The following GNB5 variants were observed in gnomAD, a reference collection of about 807,000 sequenced individuals.
GNB5 encodes the protein guanine nucleotide-binding protein subunit beta-5.
GNB5 carries 37 observed loss-of-function variants against 55.3 expected under a neutral mutation model. The ratio of observed to expected loss-of-function variants is 0.67; its 90% CI spans 0.51 to 0.88. GNB5 has a LOEUF of 0.88. GNB5 is among the 40% of genes least tolerant of loss of function. The probability of loss-of-function intolerance (pLI) is 0.00; values close to 1 mark genes in which losing one functional copy is unlikely to be tolerated. For synonymous variants in GNB5, 219 were observed against 198.5 expected (o/e 1.10, Z -0.87); for missense variants, 476 against 515.3 (o/e 0.92, Z 0.74).
At position 52,141,224 on chromosome 15, in the gene GNB5, AT is replaced by A; in HGVS notation, c.542del (p.Asn181MetfsTer31). 6.2e-7 allele frequency: 1 copy of A among 1,613,940 alleles called. No homozygotes were observed. The highest frequency in any genetic ancestry group is 1.1e-5 in the South Asian group (1 of 91,080). On this transcript the variant is annotated frameshift_variant, in exon 7 of 13. Coordinates refer to ENST00000261837, the MANE Select transcript of GNB5 (RefSeq NM_016194.4). LOFTEE classifies it high-confidence loss of function. ...ACTTCTTTTTGGCAGCCATGTTTTCATTTTTGTCAAACGTCAAGGGGTACAC... is the reference window on the plus strand; with the variant it reads ...ACTTCTTTTTGGCAGCCATGTTTTCATTTTGTCAAACGTCAAGGGGTACAC... Reference protein sequence around the residue: ...CSVYPLTFDKNENMAAKKKSV... With the variant: ...CSVYPLTFDKXENMAAKKKSV...
chr15:52,179,537 G>C (rs917253119), intron 3 of GNB5, among the ~76,000 whole-genome samples: 1 of 151,804 alleles, frequency 6.6e-6, no homozygotes, highest in Non-Finnish European at 1.5e-5. Flanking sequence ...TGGCGGCGGG[G>C]GTCGGCCAGG....
rs2033422317 is a variant in GNB5, at chr15:52,126,147, A to AG, written c.913-104dup. 3.3e-5 allele frequency: 21 copies of AG among 629,506 alleles called. 1 individual carries two copies. In the Middle Eastern group the frequency reaches 3.2e-3, roughly 95 times the overall value. The allele number at this position is 629,506 out of a possible 1,614,324, so 39.0% of individuals were successfully genotyped here. On this transcript the variant is annotated intron_variant, in intron 10 of 12. Transcript: ENST00000261837. ...GTGCTAGTGACTTGCGTAGTTTAAA[A>AG]GATGAAGGAAAAACTTCTTAGTTTT...
chr15:52,186,155 C>G (rs151138063), intron 1 of GNB5, among the ~76,000 whole-genome samples: 28 of 152,298 alleles, frequency 1.8e-4, no homozygotes, highest in African/African-American at 6.7e-4. Flanking sequence ...ACACTATAAC[C>G]CACACCCTGT....
chr15:52,137,877 C>A (rs1184973324), intron 7 of GNB5: 5 of 1,286,820 alleles, frequency 3.9e-6, no homozygotes, highest in Non-Finnish European at 5.1e-6. Flanking sequence ...GGTGATAAGA[C>A]CGTGGAGGAA....
chr15:52,140,803 T>C (rs28412228), intron 7 of GNB5, among the ~76,000 whole-genome samples: 7 of 152,242 alleles, frequency 4.6e-5, no homozygotes, highest in African/African-American at 1.7e-4. Context: ...GACAGCTCAG[T>C]GAAGCTTTAC....
At chr15:52,136,174 C>CG (rs2033716536) in intron 7 of GNB5, among the ~76,000 whole-genome samples, 1 of 59,180 alleles carries the variant, frequency 1.7e-5, no homozygotes, top group African/African-American at 9.4e-5. Flanking sequence ...ACACACACAC[C>CG]CTACCTGCTG....
chr15:52,148,848 C>G (rs560257737), intron 5 of GNB5, among the ~76,000 whole-genome samples: 1 of 152,336 alleles, frequency 6.6e-6, no homozygotes, highest in Non-Finnish European at 1.5e-5. Flanking sequence ...CACAGGGTAT[C>G]CCAGGCCCCT....
chr15:52,163,406 A>G (rs2034380572), intron 3 of GNB5, among the ~76,000 whole-genome samples: 2 of 152,208 alleles, frequency 1.3e-5, no homozygotes, highest in African/African-American at 4.8e-5. Context: ...CTCCCACAGC[A>G]CCTCACAAGC....
At chr15:52,146,285 C>T (rs1248102417) in intron 6 of GNB5, among the ~76,000 whole-genome samples, 3 of 152,134 alleles carry the variant, frequency 2.0e-5, no homozygotes, top group African/African-American at 7.2e-5. Context: ...AAAAACATGG[C>T]TGAGATACTG....
At chr15:52,153,461 T>A (rs1387430701) in intron 4 of GNB5, among the ~76,000 whole-genome samples, 2 of 152,128 alleles carry the variant, frequency 1.3e-5, no homozygotes, top group African/African-American at 4.8e-5. Flanking sequence ...AATTTGGGGG[T>A]AATTTTTTGG....
At position 52,135,593 on chromosome 15, in the gene GNB5, A is replaced by C; in HGVS notation, c.771+20T>G. ...CTTAGTGGACACAGGAGCCCTAGGG[A>C]ATTTCCACTGGGTCTTTACCCCAGA... On this transcript the variant is annotated intron_variant, in intron 8 of 12. Transcript: ENST00000261837. The C allele has an allele frequency of 3.7e-6, 6 of 1,610,974 alleles. No individual in the cohort carries two copies. Among genetic ancestry groups the C allele is most frequent in the Non-Finnish European group, 4.2e-6 (5 of 1,177,584 alleles).
chr15:52,156,150 T>G (rs1195902974), intron 3 of GNB5, among the ~76,000 whole-genome samples: 3 of 152,206 alleles, frequency 2.0e-5, no homozygotes, highest in Non-Finnish European at 2.9e-5. Flanking sequence ...TCTTACTTTA[T>G]TCAAGAGGTT....
intron 12 of GNB5, among the ~76,000 whole-genome samples, chr15:52,123,033 ATC>A (rs1596048409): frequency 7.1e-6 from 1 of 141,654 alleles, no homozygotes; most frequent in African/African-American, 3.0e-5. Context: ...TCTGTGGGGC[ATC>A]TGCAGCCTCC....
At chr15:52,128,111 A>C (rs1195883567) in intron 10 of GNB5, 85 bp downstream of exon 10, 1 of 898,482 alleles carries the variant, frequency 1.1e-6, no homozygotes, top group Non-Finnish European at 1.8e-6. Context: ...TTACTTCTGT[A>C]ACCAGAAAAA....
chr15:52,160,500 T>A (rs12901730), intron 3 of GNB5, among the ~76,000 whole-genome samples: 23,712 of 152,186 alleles, frequency 0.16, 2,234 homozygotes, highest in Admixed American at 0.27. Flanking sequence ...CTAGAGATCA[T>A]GTTTAGAATA....
At chr15:52,123,037 G>A (rs1387602968) in intron 12 of GNB5, among the ~76,000 whole-genome samples, 1 of 139,118 alleles carries the variant, frequency 7.2e-6, no homozygotes, top group Non-Finnish European at 1.5e-5. Flanking sequence ...TGGGGCATCT[G>A]CAGCCTCCTT....
chr15:52,149,842 G>A (rs752358759), intron 5 of GNB5, 42 bp downstream of exon 5: 55 of 1,491,288 alleles, frequency 3.7e-5, no homozygotes, highest in Non-Finnish European at 4.9e-5. Flanking sequence ...AGTAGGCTGG[G>A]ATTCTGAAGC....
intron 8 of GNB5, among the ~76,000 whole-genome samples, chr15:52,135,223 T>C (rs1244473933): frequency 6.6e-6 from 1 of 152,132 alleles, no homozygotes; most frequent in African/African-American, 2.4e-5. Context: ...TGACCTGCCA[T>C]GCCCTTGTGC....
At chr15:52,169,538 C>CAAAAAAAAAAAAAAAAAAAAAAAAAAAAA (rs60470864) in intron 3 of GNB5, among the ~76,000 whole-genome samples, 1 of 71,496 alleles carries the variant, frequency 1.4e-5, no homozygotes, top group Non-Finnish European at 2.5e-5. Context: ...GACTCTGTCT[C>CAAAAAAAAAAAAAAAAAAAAAAAAAAAAA]AAAAAAAAAA....
Sources: allele counts gnomAD v4.1 joint callset (sites outside exome capture counted in the v4.1 genomes callset), GRCh38; gene constraint gnomAD v4.1.1; transcripts MANE v1.5; gene names NCBI Gene and HGNC (gene_info 2026-07-23, HGNC 2026-07-21).